ZBTB40: variants seen among roughly 807,000 people sequenced by gnomAD.
ZBTB40 encodes the protein zinc finger and BTB domain-containing protein 40.
A neutral mutation model predicts 117.5 loss-of-function variants in ZBTB40; 60 were observed. The ratio of observed to expected loss-of-function variants is 0.51; its 90% CI spans 0.41 to 0.63. The LOEUF (loss-of-function observed/expected upper bound fraction) is 0.63. Among genes scored for constraint, ZBTB40 ranks in the 30% least tolerant of loss-of-function variants. The probability of loss-of-function intolerance (pLI) is 0.00; values close to 1 mark genes in which losing one functional copy is unlikely to be tolerated. For missense variants in ZBTB40, 1,287 were observed against 1,498.5 expected, an observed-to-expected ratio of 0.86 and a Z score of 2.33; for synonymous variants, 525 against 577.1, an observed-to-expected ratio of 0.91 and a Z score of 1.29.
At position 22,526,954 on chromosome 1, in the gene ZBTB40, C is replaced by A; in HGVS notation, c.*558C>A. On this transcript the variant is annotated 3_prime_UTR_variant, in exon 18 of 18. Coordinates refer to ENST00000375647, the MANE Select transcript of ZBTB40 (RefSeq NM_014870.4). ...CATCCTACCCTCTGCTGGGGTTCCC[C>A]CTCCACCCAGTGGCCACGCCCAGCA... 2 of 200,842 alleles carry A rather than the reference C, an allele frequency of 1.0e-5. No individual in the cohort carries two copies. Among genetic ancestry groups the A allele is most frequent in the South Asian group, 1.9e-4 (2 of 10,722 alleles). The allele number at this position is 200,842 out of a possible 1,614,324, so 12.4% of individuals were successfully genotyped here.
Position 22,489,994 on chromosome 1 carries a change from A to C in ZBTB40, c.46A>C (p.Thr16Pro). The change falls in exon 2 of 18, where the codon ACT becomes CCT. Residue 16 changes from threonine (T) to proline (P), a missense_variant. By Grantham distance (38) the Thr-to-Pro change is conservative (BLOSUM62 -1). Coordinates refer to ENST00000375647, the MANE Select transcript of ZBTB40 (RefSeq NM_014870.4). ...CCGGCAGCTGCTGCAGCAGCTGTAC[A>C]CTCTGTGCAAGGAGCAGCAGTTCTG... is the stretch of plus-strand genomic sequence containing the variant. ...YSRQLLQQLY[T>P]LCKEQQFCDC... The C allele has an allele frequency of 6.2e-7, 1 of 1,613,606 alleles. No homozygotes were observed. The highest frequency in any genetic ancestry group is 8.5e-7 in the Non-Finnish European group (1 of 1,179,994).
intron 9 of ZBTB40, 62 bp from the exon 10 acceptor site, chr1:22,511,115 TGA>T: frequency 6.3e-7 from 1 of 1,594,502 alleles, no homozygotes; most frequent in Non-Finnish European, 8.6e-7. Context: ...TTTTTTAGGT[TGA>T]AAACCATGGG....
chr1:22,462,161 A>C (rs902327693), intron 1 of ZBTB40, among the ~76,000 whole-genome samples: 1 of 152,224 alleles, frequency 6.6e-6, no homozygotes, highest in African/African-American at 2.4e-5. Flanking sequence ...GTTATCAAAA[A>C]AGTAGGAGAA....
At position 22,490,469 on chromosome 1, in the gene ZBTB40, A is replaced by C; in HGVS notation, c.521A>C (p.Glu174Ala). Residue 174 changes from glutamate to alanine, a missense_variant, in exon 2 of 18, where the codon GAG becomes GCG. Glu to Ala is a moderately radical substitution (Grantham distance 107). Around this residue, in one of 2 missense-constraint regions of ZBTB40, gnomAD observed 870 missense variants for 934.4 expected, o/e 0.93. Coordinates refer to ENST00000375647, the MANE Select transcript of ZBTB40 (RefSeq NM_014870.4). ...AATPGGPVKA[E>A]TEEAAHSVSQ... Reference sequence around the variant, plus strand: ...ACTCCAGGGGGCCCTGTGAAAGCTGAGACTGAGGAAGCAGCCCATTCAGTT... The same window carrying C: ...ACTCCAGGGGGCCCTGTGAAAGCTGCGACTGAGGAAGCAGCCCATTCAGTT... 6.3e-7 allele frequency: 1 copy of C among 1,599,894 alleles called. No homozygotes were observed. The highest frequency in any genetic ancestry group is 8.5e-7 in the Non-Finnish European group (1 of 1,172,470).
intron 1 of ZBTB40, among the ~76,000 whole-genome samples, chr1:22,473,235 C>CAGAATCTTT (rs1423403296): frequency 6.6e-6 from 1 of 152,168 alleles, no homozygotes; most frequent in Non-Finnish European, 1.5e-5. Context: ...ACTTCTGAAT[C>CAGAATCTTT]AGAATCTTTT....
chr1:22,506,724 C>A (rs917196278), intron 6 of ZBTB40, among the ~76,000 whole-genome samples: 3 of 152,154 alleles, frequency 2.0e-5, no homozygotes, highest in African/African-American at 7.2e-5. Flanking sequence ...GACAATCCAG[C>A]TCAAGCCAAC....
intron 3 of ZBTB40, among the ~76,000 whole-genome samples, chr1:22,491,833 G>A (rs564075533): frequency 1.3e-5 from 2 of 152,076 alleles, no homozygotes; most frequent in South Asian, 4.2e-4. Flanking sequence ...GATTAAGAAG[G>A]TAGCCATGTA....
intron 13 of ZBTB40, among the ~76,000 whole-genome samples, chr1:22,518,180 T>A (rs1287950205): frequency 1.3e-5 from 2 of 152,178 alleles, no homozygotes; most frequent in African/African-American, 4.8e-5. Context: ...AGGAGTGTAA[T>A]CAGCACAGCA....
At chr1:22,524,638 G>A (rs1639627595) in intron 17 of ZBTB40, among the ~76,000 whole-genome samples, 194 bp downstream of exon 17, 1 of 152,208 alleles carries the variant, frequency 6.6e-6, no homozygotes, top group Non-Finnish European at 1.5e-5. Flanking sequence ...TAGGTAGAGG[G>A]AGCCTGGAAC....
At chr1:22,474,991 A>G (rs997962086) in intron 1 of ZBTB40, among the ~76,000 whole-genome samples, 2 of 152,114 alleles carry the variant, frequency 1.3e-5, no homozygotes, top group Non-Finnish European at 2.9e-5. Flanking sequence ...AACACCCAAA[A>G]AGATGTCTCA....
rs1639737174 is a variant in ZBTB40, at chr1:22,528,328, G to A, written c.*1932G>A. ...TGGATGAGAATCCAGCCCCTCACAA[G>A]CTGTGGGATGGGGCTTGGGAGTTGC... On this transcript the variant is annotated 3_prime_UTR_variant, in exon 18 of 18. Coordinates refer to ENST00000375647, the MANE Select transcript of ZBTB40 (RefSeq NM_014870.4). 1 of 152,444 alleles carries A rather than the reference G, an allele frequency of 6.6e-6. No individual in the cohort carries two copies. The highest frequency in any genetic ancestry group is 1.5e-5 in the Non-Finnish European group (1 of 68,038). The allele number at this position is 152,444 out of a possible 1,614,324, so 9.4% of individuals were successfully genotyped here. A position where few individuals can be genotyped will look rare whatever the true frequency, so the allele number is the denominator to read the frequency against.
chr1:22,462,268 GA>G (rs1641150317), intron 1 of ZBTB40, among the ~76,000 whole-genome samples: 3 of 152,144 alleles, frequency 2.0e-5, no homozygotes, highest in African/African-American at 7.2e-5. Context: ...CAGACAGCAT[GA>G]GTTCACTGAC....
chr1:22,481,870 A>G (rs1569818627), intron 1 of ZBTB40, among the ~76,000 whole-genome samples: 2 of 140,002 alleles, frequency 1.4e-5, no homozygotes, highest in South Asian at 2.4e-4. Flanking sequence ...GTGCCTGTTT[A>G]TGGTCTTTTG....
intron 1 of ZBTB40, among the ~76,000 whole-genome samples, chr1:22,480,169 G>A (rs1357665282): frequency 6.6e-6 from 1 of 152,140 alleles, no homozygotes; most frequent in African/African-American, 2.4e-5. Flanking sequence ...GCCTCCCAAA[G>A]TGCTGGGATT....
chr1:22,517,112 G>A (rs1027261377), intron 12 of ZBTB40, among the ~76,000 whole-genome samples, 188 bp from the exon 13 acceptor site: 3 of 152,114 alleles, frequency 2.0e-5, no homozygotes, highest in East Asian at 1.9e-4. Context: ...CCGTGTGATC[G>A]GCTGTGTTTG....
chr1:22,463,036 A>G (rs544307290), intron 1 of ZBTB40, among the ~76,000 whole-genome samples: 4 of 152,210 alleles, frequency 2.6e-5, no homozygotes, highest in Non-Finnish European at 5.9e-5. Flanking sequence ...ACTGCTGTTT[A>G]TGTGTATTGA....
rs371412228 is a variant in ZBTB40 at position 22,520,258 on chromosome 1, T to G, written c.3031T>G (p.Cys1011Gly). 2 of 1,612,192 alleles carry G rather than the reference T, an allele frequency of 1.2e-6. No homozygotes were observed. The highest frequency in any genetic ancestry group is 1.7e-6 in the Non-Finnish European group (2 of 1,180,006). ...VGGKPFSCGICNKAYQQLSGL... is the reference protein window; with the variant it reads ...VGGKPFSCGIGNKAYQQLSGL... ...AGGGAAGCCCTTCAGCTGCGGGATCTGCAACAAGGCCTACCAGGTGACCTC... is the reference window on the plus strand; with the variant it reads ...AGGGAAGCCCTTCAGCTGCGGGATCGGCAACAAGGCCTACCAGGTGACCTC... Residue 1011 changes from cysteine (C) to glycine (G), a missense_variant, in exon 14 of 18, where the codon TGC becomes GGC. By Grantham distance (159) the Cys-to-Gly change is radical (BLOSUM62 -3). This residue lies in a region of ZBTB40 where 417 missense variants were observed against 564.1 expected (regional missense o/e 0.74). Coordinates refer to ENST00000375647, the MANE Select transcript of ZBTB40 (RefSeq NM_014870.4).
chr1:22,465,369 G>T (rs1447596572), intron 1 of ZBTB40, among the ~76,000 whole-genome samples: 1 of 152,182 alleles, frequency 6.6e-6, no homozygotes. Flanking sequence ...ACTCAGCTGT[G>T]GCTGAGTCCG....
chr1:22,482,305 T>A (rs975938787), intron 1 of ZBTB40, among the ~76,000 whole-genome samples: 1 of 152,206 alleles, frequency 6.6e-6, no homozygotes, highest in East Asian at 1.9e-4. Flanking sequence ...AGCAAATCTT[T>A]ATTTTAATTA....
Sources: allele counts gnomAD v4.1 joint callset (sites outside exome capture counted in the v4.1 genomes callset), GRCh38; gene constraint gnomAD v4.1.1; regional missense constraint gnomAD v4.1.1; transcripts MANE v1.5; gene names NCBI Gene and HGNC (gene_info 2026-07-23, HGNC 2026-07-21).